GLMN: variants seen among roughly 807,000 people sequenced by gnomAD.
GLMN encodes glomulin.
A neutral mutation model predicts 87.8 loss-of-function variants in GLMN; 75 were observed. The observed-to-expected ratio is 0.85, with a 90% CI of 0.71 to 1.04. The LOEUF (loss-of-function observed/expected upper bound fraction) is 1.04, where lower values mean the gene tolerates loss of function less well. Ranked by LOEUF, GLMN falls within the 50% of genes least tolerant of loss-of-function variation. The pLI is 0.00. For synonymous variants in GLMN, 206 were observed against 221.6 expected, an observed-to-expected ratio of 0.93 and a Z score of 0.63; for missense variants, 588 against 658.8, an observed-to-expected ratio of 0.89 and a Z score of 1.18.
At chr1:92,258,214 T>G (rs551940233) in intron 16 of GLMN, among the ~76,000 whole-genome samples, 1 of 151,970 alleles carries the variant, frequency 6.6e-6, no homozygotes, top group African/African-American at 2.4e-5. Flanking sequence ...TACCATCTCA[T>G]GCCAGTTAGA....
At chr1:92,249,283 T>G (rs1197287943) in intron 16 of GLMN, among the ~76,000 whole-genome samples, 1 of 149,170 alleles carries the variant, frequency 6.7e-6, no homozygotes, top group Non-Finnish European at 1.5e-5. Flanking sequence ...TTTTTTTTTT[T>G]GCTTCTTTAT....
At chr1:92,297,119 T>TC (rs1168012667) in intron 3 of GLMN, among the ~76,000 whole-genome samples, 1 of 150,322 alleles carries the variant, frequency 6.7e-6, no homozygotes, top group Non-Finnish European at 1.5e-5. Flanking sequence ...TCTTTTCTTT[T>TC]TTTTTTTTTT....
the GLMN span, among the ~76,000 whole-genome samples, chr1:92,353,192 T>C: frequency 1.3e-5 from 2 of 152,214 alleles, no homozygotes; most frequent in Admixed American, 1.3e-4. Context: ...TGTTTTATGT[T>C]CTCTTAGGTA....
At chr1:92,259,992 T>C (rs540150444) in intron 16 of GLMN, among the ~76,000 whole-genome samples, 247 of 152,088 alleles carry the variant, frequency 1.6e-3, no homozygotes, top group Non-Finnish European at 2.3e-3. Context: ...GCCTTGGCCT[T>C]CCAAAGAGCT....
the GLMN span, among the ~76,000 whole-genome samples, chr1:92,349,109 T>C: frequency 6.6e-6 from 1 of 152,234 alleles, no homozygotes; most frequent in African/African-American, 2.4e-5. Flanking sequence ...ATTATCCTAT[T>C]ATTCAGAAAA....
At chr1:92,252,973 C>T (rs1395319815) in intron 16 of GLMN, among the ~76,000 whole-genome samples, 1 of 152,008 alleles carries the variant, frequency 6.6e-6, no homozygotes, top group Non-Finnish European at 1.5e-5. Context: ...AATTTATTGC[C>T]AGAACAGTCA....
chr1:92,263,315 A>C (rs1384319632), intron 15 of GLMN, among the ~76,000 whole-genome samples: 1 of 152,214 alleles, frequency 6.6e-6, no homozygotes, highest in Non-Finnish European at 1.5e-5. Context: ...ACCTAAACAC[A>C]TAAATTACAT....
chr1:92,266,582 C>T (rs1052329762), intron 12 of GLMN, 90 bp from the exon 13 acceptor site: 2 of 1,012,012 alleles, frequency 2.0e-6, no homozygotes, highest in African/African-American at 3.2e-5. Flanking sequence ...AATACATCCA[C>T]ACTTGTACCT....
chr1:92,290,603 A>G (rs1306631963), intron 4 of GLMN, among the ~76,000 whole-genome samples: 2 of 152,240 alleles, frequency 1.3e-5, no homozygotes, highest in Non-Finnish European at 2.9e-5. Flanking sequence ...GGGCTCCAGC[A>G]GGTGGGACCT....
At chr1:92,292,034 T>C (rs955778153) in intron 3 of GLMN, among the ~76,000 whole-genome samples, 1 of 152,232 alleles carries the variant, frequency 6.6e-6, no homozygotes, top group Non-Finnish European at 1.5e-5. Context: ...TATTTCAGAA[T>C]GCTTACCATA....
chr1:92,281,303 G>A (rs1252534475), intron 7 of GLMN, among the ~76,000 whole-genome samples: 1 of 152,138 alleles, frequency 6.6e-6, no homozygotes, highest in Non-Finnish European at 1.5e-5. Context: ...AAGAGAGTGG[G>A]GGCCAAAATT....
rs1300824490 is a variant in GLMN, at chr1:92,257,723, T to C, written c.1473+5140A>G. ...AGAAAACTGAAATTGGACTCCTTCC[T>C]TACCCCCTATACAAAAATTAACTTG... On this transcript the variant is annotated intron_variant, in intron 16 of 18. Coordinates refer to ENST00000370360, the MANE Select transcript of GLMN (RefSeq NM_053274.3). 2.0e-5 allele frequency among the ~76,000 whole-genome samples: 3 copies of C among 152,190 alleles called. No individual in the cohort carries two copies. In the East Asian group the frequency reaches 5.8e-4, roughly 29 times the overall value.
At chr1:92,258,833 G>C (rs1654614973) in intron 16 of GLMN, among the ~76,000 whole-genome samples, 1 of 151,950 alleles carries the variant, frequency 6.6e-6, no homozygotes, top group South Asian at 2.1e-4. Context: ...AACCACCATG[G>C]CACGTGTATA....
intron 11 of GLMN, among the ~76,000 whole-genome samples, chr1:92,267,612 G>A (rs1239945181): frequency 2.0e-5 from 3 of 151,894 alleles, no homozygotes; most frequent in Admixed American, 1.3e-4. Flanking sequence ...GCTGAGGCAG[G>A]AGAATGGAAT....
At chr1:92,304,381 ATTT>A in the GLMN span, 1 of 1,311,098 alleles carries the variant, frequency 7.6e-7, no homozygotes, top group East Asian at 2.4e-5. Context: ...GTGGCAATTA[ATTT>A]TTTTTCTTTA....
At chr1:92,331,675 A>T in the GLMN span, among the ~76,000 whole-genome samples, 1 of 152,144 alleles carries the variant, frequency 6.6e-6, no homozygotes, top group Non-Finnish European at 1.5e-5. Context: ...TAAATTTCAA[A>T]TATATTGCAA....
chr1:92,253,822 G>A (rs951181804), intron 16 of GLMN, among the ~76,000 whole-genome samples: 9 of 152,310 alleles, frequency 5.9e-5, no homozygotes, highest in Middle Eastern at 3.4e-3. Context: ...AAAAAGCAGC[G>A]GAAAAGGGCT....
At chr1:92,292,538 G>A (rs578011910) in intron 3 of GLMN, among the ~76,000 whole-genome samples, 16 of 150,548 alleles carry the variant, frequency 1.1e-4, no homozygotes, top group Non-Finnish European at 2.1e-4. Flanking sequence ...AGCCCCCCAA[G>A]TAGCTGGGGC....
At chr1:92,282,174 C>A (rs1264161421) in intron 7 of GLMN, among the ~76,000 whole-genome samples, 1 of 152,174 alleles carries the variant, frequency 6.6e-6, no homozygotes, top group Admixed American at 6.5e-5. Context: ...AATATACATT[C>A]TTCTCAGCAC....
Sources: gnomAD v4.1 joint callset for allele counts (sites outside exome capture counted in the v4.1 genomes callset) on GRCh38, gnomAD v4.1.1 for gene constraint, MANE v1.5 for transcripts, NCBI Gene and HGNC (gene_info 2026-07-23, HGNC 2026-07-21) for gene names.